Variants in FAM210A observed in about 807,000 individuals in gnomAD.
The protein encoded by FAM210A is mitochondrial inner membrane scaffold 1, also known as family with sequence similarity 210 member A.
In FAM210A, 13 loss-of-function variants were observed where a neutral mutation model predicts 25.3. The ratio of observed to expected loss-of-function variants is 0.51; its 90% confidence interval spans 0.33 to 0.82. The LOEUF (loss-of-function observed/expected upper bound fraction) is 0.82. Among genes scored for constraint, FAM210A ranks in the 40% least tolerant of loss-of-function variants. The pLI, the probability that FAM210A is intolerant of heterozygous loss-of-function variation, is 0.02. For missense variants in FAM210A, 319 were observed against 323.2 expected, an observed-to-expected ratio of 0.99 and a Z score of 0.10; for synonymous variants, 125 against 118.7, an observed-to-expected ratio of 1.05 and a Z score of -0.35.
In FAM210A at chr18:13,681,967, A is replaced by G. The variant is rs758344817; in HGVS notation, c.111T>C (p.Leu37=). ...CCACTTTGGATTCAGCATTGTATAAAAGTAAAGGTCCCTTTACATTTTGAC... is the reference window on the plus strand; with the variant it reads ...CCACTTTGGATTCAGCATTGTATAAGAGTAAAGGTCCCTTTACATTTTGAC... ...GHCQNVKGPL[L]LYNAESKVVL... The change falls in exon 2 of 4, where the codon CTT becomes CTC. Residue 37 remains leucine (L), a synonymous_variant. Transcript: ENST00000651643. The G allele has an allele frequency of 6.2e-7, 1 of 1,614,180 alleles. No individual in the cohort carries two copies. Among genetic ancestry groups the G allele is most frequent in the Admixed American group, 1.7e-5 (1 of 60,020 alleles).
intron 1 of FAM210A, among the ~76,000 whole-genome samples, chr18:13,715,999 G>C (rs1042477809): frequency 2.0e-5 from 3 of 152,136 alleles, no homozygotes; most frequent in Non-Finnish European, 4.4e-5. Context: ...TGTTCAATAA[G>C]GTAGCCACTA....
At chr18:13,678,612 T>C (rs77178718) in intron 2 of FAM210A, among the ~76,000 whole-genome samples, 1,732 of 152,330 alleles carry the variant, frequency 0.011, 37 homozygotes, top group African/African-American at 0.04. Context: ...AAACTGTTGA[T>C]GACTTTTCTT....
rs1419320308 is a variant in FAM210A at position 13,708,660 on chromosome 18, A to T, written c.-29+17669T>A. ...ATATATTTCATATTATACTATACCT[A>T]GCTTCTTCAGCAATTCATTTCACTG... On this transcript the variant is annotated intron_variant, in intron 1 of 3. Transcript: ENST00000651643. 2.0e-5 allele frequency among the ~76,000 whole-genome samples: 3 copies of T among 152,200 alleles called. No homozygotes were observed. The East Asian group carries it at 5.8e-4, about 29-fold the overall frequency.
chr18:13,691,401 G>C (rs899393210), intron 1 of FAM210A, among the ~76,000 whole-genome samples: 1 of 152,266 alleles, frequency 6.6e-6, no homozygotes, highest in Non-Finnish European at 1.5e-5. Context: ...AGGAAATACA[G>C]AGAACGCCAC....
intron 1 of FAM210A, among the ~76,000 whole-genome samples, chr18:13,719,109 CAAAT>C (rs1215421896): frequency 1.3e-5 from 2 of 152,164 alleles, no homozygotes; most frequent in African/African-American, 2.4e-5. Flanking sequence ...GTGTGCCACA[CAAAT>C]AAAATTTTTC....
intron 1 of FAM210A, among the ~76,000 whole-genome samples, chr18:13,720,043 C>A (rs1001852430): frequency 1.3e-5 from 2 of 152,182 alleles, no homozygotes; most frequent in Non-Finnish European, 2.9e-5. Context: ...ATATTCTAGT[C>A]ATTTTTCTAG....
intron 1 of FAM210A, among the ~76,000 whole-genome samples, chr18:13,719,687 T>C (rs565097409): frequency 6.6e-6 from 1 of 151,664 alleles, no homozygotes; most frequent in African/African-American, 2.4e-5. Flanking sequence ...CCTACAAGAC[T>C]GTTCACTATT....
chr18:13,679,529 G>C (rs1340471184), intron 2 of FAM210A, among the ~76,000 whole-genome samples: 1 of 152,012 alleles, frequency 6.6e-6, no homozygotes, highest in Non-Finnish European at 1.5e-5. Flanking sequence ...AAATTTTGAA[G>C]GATCTAATAA....
intron 1 of FAM210A, among the ~76,000 whole-genome samples, chr18:13,701,432 T>C (rs1038546714): frequency 7.9e-5 from 12 of 152,114 alleles, no homozygotes; most frequent in African/African-American, 2.7e-4. Flanking sequence ...AATGGTAATA[T>C]TGCAGGGGTT....
At position 13,666,478 on chromosome 18, in the gene FAM210A, C is replaced by A. The variant is rs771076117; in HGVS notation, c.*2G>T. ...ATTTTCTATACTGCTATATAAGGCA[C>A]CTTATTCCACTTTTTTCTTAAAGGA... is the stretch of plus-strand genomic sequence containing the variant. On this transcript the variant is annotated 3_prime_UTR_variant, in exon 4 of 4. Transcript: ENST00000651643. 5 of 1,611,554 alleles carry A rather than the reference C, an allele frequency of 3.1e-6. No homozygotes were observed. The highest frequency in any genetic ancestry group is 1.3e-5 in the African/African-American group (1 of 74,708).
chr18:13,673,087 C>G (rs1219036967), intron 2 of FAM210A, among the ~76,000 whole-genome samples: 1 of 150,936 alleles, frequency 6.6e-6, no homozygotes, highest in East Asian at 2.0e-4. Context: ...TTCTTTATTT[C>G]CAATTTTCTG....
At chr18:13,684,601 T>C (rs748134744) in intron 1 of FAM210A, among the ~76,000 whole-genome samples, 1 of 151,992 alleles carries the variant, frequency 6.6e-6, no homozygotes, top group Non-Finnish European at 1.5e-5. Flanking sequence ...AGGAAAGAAA[T>C]TCACTCTTAG....
chr18:13,709,294 C>A (rs1799018517), intron 1 of FAM210A, among the ~76,000 whole-genome samples: 1 of 152,218 alleles, frequency 6.6e-6, no homozygotes, highest in Admixed American at 6.5e-5. Context: ...CCCCTCCACA[C>A]ACCCCTACCC....
chr18:13,666,769 A>C (rs1149356), intron 3 of FAM210A, 56 bp from the exon 4 acceptor site: 6 of 1,481,244 alleles, frequency 4.1e-6, no homozygotes, highest in Non-Finnish European at 5.5e-6. Context: ...TGTCATCTTA[A>C]GCAAAAACAA....
intron 1 of FAM210A, among the ~76,000 whole-genome samples, chr18:13,696,281 G>A (rs1328319703): frequency 6.6e-6 from 1 of 152,108 alleles, no homozygotes; most frequent in Non-Finnish European, 1.5e-5. Flanking sequence ...CAAAATACTG[G>A]AGAAGAACAA....
intron 1 of FAM210A, among the ~76,000 whole-genome samples, chr18:13,705,018 T>C (rs1417671689): frequency 6.6e-6 from 1 of 152,242 alleles, no homozygotes; most frequent in Non-Finnish European, 1.5e-5. Context: ...TACAGGTTTC[T>C]AATAACCTTA....
chr18:13,687,694 G>A, intron 1 of FAM210A: 1 of 152,238 alleles, frequency 6.6e-6, no homozygotes, highest in Admixed American at 6.5e-5. Flanking sequence ...GACACTGGAA[G>A]TGGGTCAGCC....
At chr18:13,682,864 G>A (rs1325603260) in intron 1 of FAM210A, among the ~76,000 whole-genome samples, 1 of 152,062 alleles carries the variant, frequency 6.6e-6, no homozygotes. Context: ...GCAAGACTCC[G>A]TTTCAAAAAT....
rs1283049963 is a variant in FAM210A, at chr18:13,664,206, A to G, written c.*2274T>C. The G allele has an allele frequency of 6.6e-6, 1 of 152,226 alleles. No individual in the cohort carries two copies. The highest frequency in any genetic ancestry group is 1.5e-5 in the Non-Finnish European group (1 of 68,040). The allele number at this position is 152,226 out of a possible 1,614,324, so 9.4% of individuals were successfully genotyped here. On this transcript the variant is annotated 3_prime_UTR_variant, in exon 4 of 4. Transcript: ENST00000651643. ...TTTCATATCATTCAAGCAGTAACTC[A>G]TTGTCTATTAGACTAACACAACATG...
Sources: allele counts gnomAD v4.1 joint callset (sites outside exome capture counted in the v4.1 genomes callset), GRCh38; gene constraint gnomAD v4.1.1; transcripts MANE v1.5; gene names NCBI Gene and HGNC (gene_info 2026-07-23, HGNC 2026-07-21).